TMTC1: variants seen among roughly 807,000 people sequenced by gnomAD.
TMTC1 encodes the protein transmembrane O-mannosyltransferase targeting cadherins 1, also known as protein O-mannosyl-transferase TMTC1.
Under a neutral mutation model 104.8 loss-of-function variants are expected in TMTC1, and 73 were observed. That is an observed-to-expected ratio of 0.70 (90% CI 0.58 to 0.85). TMTC1 has a LOEUF of 0.85. TMTC1 is among the 40% of genes least tolerant of loss of function. TMTC1 has a pLI of 0.00. For missense variants in TMTC1, 1,035 were observed against 1,096.1 expected (o/e 0.94, Z 0.79); for synonymous variants, 434 against 428.7 (o/e 1.01, Z -0.15).
rs748324587 is a variant in TMTC1, at chr12:29,633,248, T to C, written c.1027A>G (p.Ile343Val). The change falls in exon 6 of 18, where the codon ATT becomes GTT. Residue 343 changes from isoleucine (I) to valine (V), a missense_variant. Coordinates refer to ENST00000539277, the MANE Select transcript of TMTC1 (RefSeq NM_001193451.2). Reference sequence around the variant, plus strand: ...TCCCATATGGTCTCTACCAGAGGAATACTGCCGACCTGCCAGTCATAGCAC... The same window carrying C: ...TCCCATATGGTCTCTACCAGAGGAACACTGCCGACCTGCCAGTCATAGCAC... ...TLCYDWQVGS[I>V]PLVETIWDMR... 119 of 1,613,878 alleles carry C rather than the reference T, an allele frequency of 7.4e-5. 1 individual carries two copies. The highest frequency in any genetic ancestry group is 3.8e-4 in the South Asian group (35 of 91,076).
intron 4 of TMTC1, among the ~76,000 whole-genome samples, chr12:29,753,420 G>A (rs1403220666): frequency 1.3e-5 from 2 of 152,226 alleles, no homozygotes; most frequent in Non-Finnish European, 2.9e-5. Flanking sequence ...ATGGTGCTCC[G>A]GGCTAACCCT....
intron 4 of TMTC1, 122 bp downstream of exon 4, chr12:29,755,587 G>T: frequency 1.2e-6 from 1 of 810,230 alleles, no homozygotes; most frequent in Non-Finnish European, 1.9e-6. Flanking sequence ...TTACGTGACA[G>T]TCTAAGGTGA....
chr12:29,624,667 C>G (rs1330492006), intron 6 of TMTC1, among the ~76,000 whole-genome samples: 1 of 152,202 alleles, frequency 6.6e-6, no homozygotes, highest in African/African-American at 2.4e-5. Context: ...CTTCATGTCT[C>G]TGCTCTAATG....
chr12:29,607,193 G>C (rs1946725316), intron 6 of TMTC1, among the ~76,000 whole-genome samples: 2 of 152,174 alleles, frequency 1.3e-5, no homozygotes, highest in Admixed American at 1.3e-4. Context: ...CATCACTCTA[G>C]TTGTAATTAC....
chr12:29,603,186 G>A (rs1946612213), intron 7 of TMTC1, among the ~76,000 whole-genome samples: 1 of 152,208 alleles, frequency 6.6e-6, no homozygotes, highest in East Asian at 1.9e-4. Flanking sequence ...CCTTAACCAA[G>A]TCAAAACCAC....
chr12:29,672,449 G>A (rs1484465844), intron 5 of TMTC1, among the ~76,000 whole-genome samples: 1 of 152,134 alleles, frequency 6.6e-6, no homozygotes, highest in Non-Finnish European at 1.5e-5. Flanking sequence ...TAGAATGCAG[G>A]CCAGGTCAGT....
chr12:29,582,877 A>C (rs528968299), intron 8 of TMTC1, among the ~76,000 whole-genome samples: 1 of 152,318 alleles, frequency 6.6e-6, no homozygotes, highest in Admixed American at 6.5e-5. Context: ...AGCCAGGCGA[A>C]GGTCGCCAGG....
rs183823941 is a variant in TMTC1, at chr12:29,624,636, C to A, written c.1128+8511G>T. 7.9e-5 allele frequency among the ~76,000 whole-genome samples: 12 copies of A among 152,320 alleles called. No individual in the cohort carries two copies. The East Asian group carries it at 2.3e-3, about 29-fold the overall frequency. ...TGGAATGCTCTTCCCCAAACAGCCA[C>A]ATGGCTCACCCTTGCACTTCCTTCA... On this transcript the variant is annotated intron_variant, in intron 6 of 17. Coordinates refer to ENST00000539277, the MANE Select transcript of TMTC1 (RefSeq NM_001193451.2).
At chr12:29,736,573 C>T (rs1591991800) in intron 5 of TMTC1, among the ~76,000 whole-genome samples, 1 of 152,214 alleles carries the variant, frequency 6.6e-6, no homozygotes, top group African/African-American at 2.4e-5. Context: ...GTGCCCACCA[C>T]CACGCCCGGC....
intron 9 of TMTC1, among the ~76,000 whole-genome samples, chr12:29,559,666 C>T (rs1945331687): frequency 6.6e-6 from 1 of 152,108 alleles, no homozygotes; most frequent in Admixed American, 6.5e-5. Context: ...TGGCAAAGAT[C>T]CCCAACTCCT....
chr12:29,542,443 A>G (rs891685987), intron 10 of TMTC1, among the ~76,000 whole-genome samples: 1 of 152,248 alleles, frequency 6.6e-6, no homozygotes, highest in African/African-American at 2.4e-5. Context: ...ACTGCTAAAC[A>G]GCATCACCAG....
chr12:29,624,115 G>A (rs1937839986), intron 6 of TMTC1, among the ~76,000 whole-genome samples: 1 of 151,968 alleles, frequency 6.6e-6, no homozygotes, highest in Admixed American at 6.6e-5. Flanking sequence ...GAGTATCTGG[G>A]ATTACATGCA....
intron 2 of TMTC1, among the ~76,000 whole-genome samples, chr12:29,767,486 G>A (rs959886345): frequency 6.6e-6 from 1 of 152,180 alleles, no homozygotes; most frequent in Admixed American, 6.6e-5. Context: ...GACTCAGCAT[G>A]GTAAGTGTCT....
chr12:29,682,328 G>T (rs1032259285), intron 5 of TMTC1, among the ~76,000 whole-genome samples: 5 of 152,054 alleles, frequency 3.3e-5, no homozygotes, highest in Non-Finnish European at 5.9e-5. Flanking sequence ...GTTTGGCAGC[G>T]TCTTAAAAAG....
chr12:29,522,313 A>C (rs1217836446), intron 11 of TMTC1, among the ~76,000 whole-genome samples: 1 of 152,208 alleles, frequency 6.6e-6, no homozygotes. Context: ...AGAATGACCA[A>C]TGCCATCTAT....
Position 29,615,586 on chromosome 12 carries a change from A to G in TMTC1, c.1129-11287T>C, listed in dbSNP as rs1946956192. 2.6e-5 allele frequency among the ~76,000 whole-genome samples: 4 copies of G among 152,096 alleles called. No individual in the cohort carries two copies. In the South Asian group the frequency reaches 8.3e-4, roughly 32 times the overall value. ...CTTCTAGGTGAAACTTGCCTCCCCA[A>G]ACTGTAACATTTCATGAATGGCCTT... On this transcript the variant is annotated intron_variant, in intron 6 of 17. Coordinates refer to ENST00000539277, the MANE Select transcript of TMTC1 (RefSeq NM_001193451.2).
chr12:29,540,624 T>TC (rs1043877997), intron 10 of TMTC1, among the ~76,000 whole-genome samples: 30 of 152,078 alleles, frequency 2.0e-4, no homozygotes, highest in East Asian at 1.7e-3. Context: ...TACTTTTTTT[T>TC]CCCCAATTCA....
At chr12:29,669,120 CA>C (rs5797330) in intron 5 of TMTC1, among the ~76,000 whole-genome samples, 117,704 of 152,002 alleles carry the variant, frequency 0.77, 46,421 homozygotes, top group African/African-American at 0.92. Flanking sequence ...CTCCAAGTGA[CA>C]AATGTAGCTG....
intron 17 of TMTC1, 100 bp downstream of exon 17, chr12:29,511,943 A>G: frequency 8.5e-7 from 1 of 1,173,732 alleles, no homozygotes; most frequent in East Asian, 2.3e-5. Context: ...GATTTCAAAA[A>G]GGAAATTAAC....
Sources: gnomAD v4.1 joint callset for allele counts (sites outside exome capture counted in the v4.1 genomes callset) on GRCh38, gnomAD v4.1.1 for gene constraint, MANE v1.5 for transcripts, NCBI Gene and HGNC (gene_info 2026-07-23, HGNC 2026-07-21) for gene names.